ZNF12: variants seen among roughly 807,000 people sequenced by gnomAD.
The protein encoded by ZNF12 is zinc finger protein 12, also known as gonadotropin inducible transcription repressor 3.
ZNF12 carries 34 observed loss-of-function variants against 66.6 expected under a neutral mutation model. That is an observed-to-expected ratio of 0.51 (90% CI 0.39 to 0.68). The LOEUF (loss-of-function observed/expected upper bound fraction) is 0.68. Among genes scored for constraint, ZNF12 ranks in the 30% least tolerant of loss-of-function variants. The pLI is 0.00. For missense variants in ZNF12, 697 were observed against 826.9 expected (o/e 0.84, Z 1.93); for synonymous variants, 320 against 278.9 (o/e 1.15, Z -1.47).
Position 6,692,617 on chromosome 7 carries a change from G to A in ZNF12, c.325C>T (p.Leu109=). Reference sequence around the variant, plus strand: ...GGAACATTACCTCTCTCTTCAATCAGGGTCTCAATGAACACAGTTTGCCTT... The same window carrying A: ...GGAACATTACCTCTCTCTTCAATCAAGGTCTCAATGAACACAGTTTGCCTT... ...PSRQTVFIET[L]IEERGNVPGK... The change falls in exon 5 of 5, where the codon CTG becomes TTG. Residue 109 remains leucine, a synonymous_variant. Transcript: ENST00000405858. This position sits in a 1 kb window ranked among gnomAD's most constrained non-coding sequence, Gnocchi z 5.1. 6.2e-7 allele frequency: 1 copy of A among 1,613,758 alleles called. No homozygotes were observed. The highest frequency in any genetic ancestry group is 8.5e-7 in the Non-Finnish European group (1 of 1,179,806).
At chr7:6,703,634 C>G (rs1042592230) in intron 2 of ZNF12, among the ~76,000 whole-genome samples, 5 of 152,164 alleles carry the variant, frequency 3.3e-5, no homozygotes, top group Non-Finnish European at 5.9e-5. Flanking sequence ...TTTGGACACA[C>G]TCCAAAGAAA....
rs73331234 is a variant in ZNF12, at chr7:6,692,590, C to T, written c.352G>A (p.Gly118Ser). The change falls in exon 5 of 5, where the codon GGT becomes AGT. Residue 118 changes from glycine (G) to serine (S), a missense_variant. Physicochemically the swap from Gly to Ser is moderately conservative, Grantham distance 56. Coordinates refer to ENST00000405858, the MANE Select transcript of ZNF12 (RefSeq NM_016265.4). The surrounding 1 kb of genome is among the most constrained non-coding windows in gnomAD (Gnocchi z 5.1). Reference protein sequence around the residue: ...TLIEERGNVPGKTFDVETNPV... With the variant: ...TLIEERGNVPSKTFDVETNPV... ...TTCGTTTCTACATCAAAAGTTTTAC[C>T]AGGAACATTACCTCTCTCTTCAATC... The T allele has an allele frequency of 1.3e-4, 217 of 1,613,838 alleles. 1 individual carries two copies. In the African/African-American group the frequency reaches 2.7e-3, roughly 20 times the overall value.
Position 6,706,720 on chromosome 7 carries a change from C to A in ZNF12, c.-339G>T, listed in dbSNP as rs1344675146. ...GCCGCCCCTTCGCCTCCGCCGTCGT[C>A]ACCGCCCGGCCGGCCCCTTGGGCCC... On this transcript the variant is annotated 5_prime_UTR_variant, in exon 1 of 5. Coordinates refer to ENST00000405858, the MANE Select transcript of ZNF12 (RefSeq NM_016265.4). 1.6e-5 allele frequency: 4 copies of A among 246,174 alleles called. No individual in the cohort carries two copies. Among genetic ancestry groups the A allele is most frequent in the Non-Finnish European group, 3.2e-5 (4 of 126,070 alleles). 15.2% of individuals were successfully genotyped at this position (246,174 alleles called of 1,614,324 possible). A position where few individuals can be genotyped will look rare whatever the true frequency, so the allele number is the denominator to read the frequency against.
At chr7:6,700,872 A>C (rs988849595) in intron 2 of ZNF12, 28 of 152,038 alleles carry the variant, frequency 1.8e-4, no homozygotes, top group African/African-American at 6.8e-4. Flanking sequence ...TCTGCCACTA[A>C]CCCGAATTAT....
Position 6,697,971 on chromosome 7 carries a change from T to C in ZNF12, c.16-160A>G, listed in dbSNP as rs1780178210. The C allele has an allele frequency of 2.1e-6, 2 of 940,614 alleles. No individual in the cohort carries two copies. Among genetic ancestry groups the C allele is most frequent in the African/African-American group, 3.2e-5 (2 of 62,098 alleles). The allele number at this position is 940,614 out of a possible 1,614,324, so 58.3% of individuals were successfully genotyped here. On this transcript the variant is annotated intron_variant, in intron 2 of 4. Transcript: ENST00000405858. The surrounding 1 kb of genome is among the most constrained non-coding windows in gnomAD (Gnocchi z 6.1). ...CAAACATATCAGAAATACACTGTTCTGGGGTTCATTCAGTATACATCAAAC... is the reference window on the plus strand; with the variant it reads ...CAAACATATCAGAAATACACTGTTCCGGGGTTCATTCAGTATACATCAAAC...
At chr7:6,699,393 C>G (rs753979954) in intron 2 of ZNF12, among the ~76,000 whole-genome samples, 2 of 152,208 alleles carry the variant, frequency 1.3e-5, no homozygotes, top group Non-Finnish European at 2.9e-5. Context: ...CACAGACAGG[C>G]CTGGCTGGCC....
At position 6,703,219 on chromosome 7, in the gene ZNF12, T is replaced by G. The variant is rs531310949; in HGVS notation, c.15+1940A>C. 3.9e-5 allele frequency among the ~76,000 whole-genome samples: 6 copies of G among 152,314 alleles called. 1 individual carries two copies. In the South Asian group the frequency reaches 1.2e-3, roughly 32 times the overall value. On this transcript the variant is annotated intron_variant, in intron 2 of 4. Coordinates refer to ENST00000405858, the MANE Select transcript of ZNF12 (RefSeq NM_016265.4). ...GCAACCTCATTTTCGTAGTAGCCACTCTGGGAGCCACGCAAGTGCTTTTCC... is the reference window on the plus strand; with the variant it reads ...GCAACCTCATTTTCGTAGTAGCCACGCTGGGAGCCACGCAAGTGCTTTTCC...
In ZNF12 at chr7:6,705,855, T is replaced by G. The variant is rs1001509774; in HGVS notation, c.-51+577A>C. Among the ~76,000 whole-genome samples the G allele has an allele frequency of 6.6e-6, 1 of 152,224 alleles. No individual in the cohort carries two copies. The highest frequency in any genetic ancestry group is 6.5e-5 in the Admixed American group (1 of 15,298). On this transcript the variant is annotated intron_variant, in intron 1 of 4. Transcript: ENST00000405858. The surrounding 1 kb of genome is among the most constrained non-coding windows in gnomAD (Gnocchi z 4.0). ...AATAAAGGAATACAGTCGGCATAATTGAGTCTTTATTTGCAGAAACTTCAG... is the reference window on the plus strand; with the variant it reads ...AATAAAGGAATACAGTCGGCATAATGGAGTCTTTATTTGCAGAAACTTCAG...
rs1228373829 is a variant in ZNF12, at chr7:6,690,158, A to T, written c.*690T>A. The T allele has an allele frequency of 6.6e-6, 1 of 152,252 alleles. No individual in the cohort carries two copies. The highest frequency in any genetic ancestry group is 1.5e-5 in the Non-Finnish European group (1 of 68,044). 9.4% of individuals were successfully genotyped at this position (152,252 alleles called of 1,614,324 possible). ...TTAAATCCTAGAGAAGAGTGCAAGA[A>T]AAAGTATACTTTATACCTATCAAAT... On this transcript the variant is annotated 3_prime_UTR_variant, in exon 5 of 5. Transcript: ENST00000405858.
At chr7:6,704,711 G>T (rs1463927093) in intron 2 of ZNF12, among the ~76,000 whole-genome samples, 1 of 117,794 alleles carries the variant, frequency 8.5e-6, no homozygotes, top group East Asian at 2.7e-4. Context: ...CTGCACTCCA[G>T]CCTGGTGACA....
At position 6,692,692 on chromosome 7, in the gene ZNF12, G is replaced by T. The variant is rs948041162; in HGVS notation, c.250C>A (p.Gln84Lys). The T allele has an allele frequency of 3.8e-5, 60 of 1,572,354 alleles. No homozygotes were observed. The East Asian group carries it at 7.7e-4, about 20-fold the overall frequency. ...ATTCTCTCTATTAGGTCATCAGTTT[G>T]CCAGACTTCATCTAAAGAGAGACAA... ...LLQSYPDEVW[Q>K]TDDLIERIQE... Residue 84 changes from glutamine (Q) to lysine (K), a missense_variant, in exon 5 of 5, where the codon CAA becomes AAA. By Grantham distance (53) the Gln-to-Lys change is moderately conservative. This residue lies in a region of ZNF12 where 241 missense variants were observed against 224.0 expected (regional missense o/e 1.08). Transcript: ENST00000405858. This position sits in a 1 kb window ranked among gnomAD's most constrained non-coding sequence, Gnocchi z 5.1.
intron 2 of ZNF12, among the ~76,000 whole-genome samples, chr7:6,701,951 CAAAAA>C (rs34380276): frequency 0.16 from 19,909 of 127,168 alleles, 2,062 homozygotes; most frequent in African/African-American, 0.31. Flanking sequence ...CAAAATTTCT[CAAAAA>C]AAAAAAAAAA....
At position 6,692,621 on chromosome 7, in the gene ZNF12, C is replaced by A. The variant is rs1780091314; in HGVS notation, c.321G>T (p.Glu107Asp). The change falls in exon 5 of 5, where the codon GAG becomes GAT. Residue 107 changes from glutamate (E) to aspartate (D), a missense_variant. By Grantham distance (45) the Glu-to-Asp change is conservative (BLOSUM62 2). Coordinates refer to ENST00000405858, the MANE Select transcript of ZNF12 (RefSeq NM_016265.4). This position sits in a 1 kb window ranked among gnomAD's most constrained non-coding sequence, Gnocchi z 5.1. Reference sequence around the variant, plus strand: ...CATTACCTCTCTCTTCAATCAGGGTCTCAATGAACACAGTTTGCCTTGAAG... The same window carrying A: ...CATTACCTCTCTCTTCAATCAGGGTATCAATGAACACAGTTTGCCTTGAAG... Reference protein sequence around the residue: ...NKPSRQTVFIETLIEERGNVP... With the variant: ...NKPSRQTVFIDTLIEERGNVP... 6.2e-7 allele frequency: 1 copy of A among 1,613,760 alleles called. No individual in the cohort carries two copies. The highest frequency in any genetic ancestry group is 8.5e-7 in the Non-Finnish European group (1 of 1,179,800).
Position 6,697,666 on chromosome 7 carries a change from G to A in ZNF12, c.142+19C>T. On this transcript the variant is annotated intron_variant, in intron 3 of 4. Coordinates refer to ENST00000405858, the MANE Select transcript of ZNF12 (RefSeq NM_016265.4). The surrounding 1 kb of genome is among the most constrained non-coding windows in gnomAD (Gnocchi z 6.1). ...AAATCCCATATATTTTAGCAACTGA[G>A]AAAGCAAGCTATCCTCACCCACAGA... is the stretch of plus-strand genomic sequence containing the variant. The A allele has an allele frequency of 3.7e-6, 6 of 1,612,928 alleles. No homozygotes were observed. The highest frequency in any genetic ancestry group is 5.1e-6 in the Non-Finnish European group (6 of 1,179,600).
rs1257580514 is a variant in ZNF12, at chr7:6,692,594, A to T, written c.348T>A (p.Val116=). The T allele has an allele frequency of 6.2e-7, 1 of 1,613,880 alleles. No homozygotes were observed. Among genetic ancestry groups the T allele is most frequent in the Non-Finnish European group, 8.5e-7 (1 of 1,179,836 alleles). Residue 116 remains valine, a synonymous_variant, in exon 5 of 5, where the codon GTT becomes GTA. Transcript: ENST00000405858. The surrounding 1 kb of genome is among the most constrained non-coding windows in gnomAD (Gnocchi z 5.1). The part of the protein sequence containing the change: ...IETLIEERGN[V]PGKTFDVETN... ...TTTCTACATCAAAAGTTTTACCAGG[A>T]ACATTACCTCTCTCTTCAATCAGGG... is the stretch of plus-strand genomic sequence containing the variant.
Position 6,706,481 on chromosome 7 carries a change from C to A in ZNF12, c.-100G>T. The A allele has an allele frequency of 2.1e-6, 1 of 475,008 alleles. No individual in the cohort carries two copies. The highest frequency in any genetic ancestry group is 1.5e-5 in the South Asian group (1 of 65,936). 29.4% of individuals were successfully genotyped at this position (475,008 alleles called of 1,614,324 possible). A position where few individuals can be genotyped will look rare whatever the true frequency, so the allele number is the denominator to read the frequency against. On this transcript the variant is annotated 5_prime_UTR_variant, in exon 1 of 5. Transcript: ENST00000405858. ...CCCCACCGCTCCCGACAGGCCGGGGCGGGATTGCTGTCGCGGGCGCGCGTC... is the reference window on the plus strand; with the variant it reads ...CCCCACCGCTCCCGACAGGCCGGGGAGGGATTGCTGTCGCGGGCGCGCGTC...
At position 6,688,780 on chromosome 7, in the gene ZNF12, AT is replaced by A. The variant is rs1780024962; in HGVS notation, c.*2067del. 6.6e-6 allele frequency: 1 copy of A among 152,432 alleles called. No individual in the cohort carries two copies. The highest frequency in any genetic ancestry group is 6.5e-5 in the Admixed American group (1 of 15,276). The allele number at this position is 152,432 out of a possible 1,614,324, so 9.4% of individuals were successfully genotyped here. A position where few individuals can be genotyped will look rare whatever the true frequency, so the allele number is the denominator to read the frequency against. The stretch of plus-strand genomic sequence containing the variant: ...GGAAACAGAATTAGATCCTTACCTC[AT>A]ACTATATGTTGTCAGCTAACACTGT... On this transcript the variant is annotated 3_prime_UTR_variant, in exon 5 of 5. Coordinates refer to ENST00000405858, the MANE Select transcript of ZNF12 (RefSeq NM_016265.4). The surrounding 1 kb of genome is among the most constrained non-coding windows in gnomAD (Gnocchi z 4.3).
In ZNF12 at chr7:6,690,709, C is replaced by T; in HGVS notation, c.*139G>A. 1.2e-6 allele frequency: 1 copy of T among 839,526 alleles called. No individual in the cohort carries two copies. Among genetic ancestry groups the T allele is most frequent in the Non-Finnish European group, 1.8e-6 (1 of 561,806 alleles). The allele number at this position is 839,526 out of a possible 1,614,324, so 52.0% of individuals were successfully genotyped here. On this transcript the variant is annotated 3_prime_UTR_variant, in exon 5 of 5. Transcript: ENST00000405858. ...TCATGGTTTCCATTCTGTGAGTCTT[C>T]AGATTATGAGTCCAACACACAAGGG...
At position 6,705,216 on chromosome 7, in the gene ZNF12, A is replaced by C; in HGVS notation, c.-43T>G. ...AAAATCTGGAGGACTGTGAAAGCGG[A>C]GGCAGATCTGGGGAAGGAAAACCCA... On this transcript the variant is annotated 5_prime_UTR_variant, in exon 2 of 5. Transcript: ENST00000405858. The surrounding 1 kb of genome is among the most constrained non-coding windows in gnomAD (Gnocchi z 4.0). The C allele has an allele frequency of 1.2e-6, 2 of 1,613,290 alleles. No individual in the cohort carries two copies. Among genetic ancestry groups the C allele is most frequent in the East Asian group, 2.2e-5 (1 of 44,870 alleles).
Sources: gnomAD v4.1 joint callset for allele counts (sites outside exome capture counted in the v4.1 genomes callset) on GRCh38, gnomAD v4.1.1 for gene constraint, gnomAD v4.1.1 regional missense constraint, Gnocchi (gnomAD v3.1) non-coding constraint, MANE v1.5 for transcripts, NCBI Gene and HGNC (gene_info 2026-07-23, HGNC 2026-07-21) for gene names.